HHATL: variants seen among roughly 807,000 people sequenced by gnomAD.
HHATL encodes the protein protein-cysteine N-palmitoyltransferase HHAT-like protein.
Under a neutral mutation model 59.7 loss-of-function variants are expected in HHATL, and 49 were observed. The ratio of observed to expected loss-of-function variants is 0.82; its 90% CI spans 0.65 to 1.04. The LOEUF (loss-of-function observed/expected upper bound fraction) is 1.04, where lower values mean the gene tolerates loss of function less well. HHATL is among the 50% of genes least tolerant of loss of function. The pLI is 0.00. For synonymous variants in HHATL, 238 were observed against 257.3 expected (o/e 0.93, Z 0.72); for missense variants, 605 against 650.8 (o/e 0.93, Z 0.77).
intron 7 of HHATL, 71 bp downstream of exon 7, chr3:42,697,437 A>C: frequency 6.6e-6 from 10 of 1,524,178 alleles, no homozygotes; most frequent in Non-Finnish European, 8.1e-6. Flanking sequence ...TGACTGTGGC[A>C]CCGTGGGGGT....
intron 10 of HHATL, 64 bp from the exon 11 acceptor site, chr3:42,693,282 T>G: frequency 1.9e-3 from 3,012 of 1,584,720 alleles, no homozygotes; most frequent in Non-Finnish European, 2.4e-3. Flanking sequence ...ACATGGTGGG[T>G]CAGCAGCCTT....
intron 9 of HHATL, chr3:42,694,038 A>G (rs1446006913): frequency 6.9e-6 from 4 of 579,658 alleles, no homozygotes; most frequent in Non-Finnish European, 1.2e-5. Context: ...TACTTCCCAA[A>G]TGATCTCATC....
chr3:42,699,171 G>A, intron 3 of HHATL, 26 bp from the exon 4 acceptor site: 1 of 1,570,474 alleles, frequency 6.4e-7, no homozygotes, highest in Non-Finnish European at 8.8e-7. Context: ...GCAGAAGGAG[G>A]TGGGGCAGGT....
chr3:42,698,043 G>T, intron 6 of HHATL, 99 bp downstream of exon 6: 1 of 1,227,016 alleles, frequency 8.1e-7, no homozygotes, highest in East Asian at 2.4e-5. Flanking sequence ...CCTGAGGATG[G>T]GGATACAGCC....
intron 10 of HHATL, 188 bp downstream of exon 10, chr3:42,693,429 C>T: frequency 1.3e-6 from 1 of 748,506 alleles, no homozygotes; most frequent in Non-Finnish European, 2.1e-6. Flanking sequence ...GGCCCAGGTG[C>T]TCCATTCCTC....
chr3:42,700,997 C>A (rs1352638278), intron 1 of HHATL, 158 bp from the exon 2 acceptor site: 1 of 599,570 alleles, frequency 1.7e-6, no homozygotes, highest in Non-Finnish European at 3.0e-6. Context: ...CTGTGCCCCC[C>A]ACAGTTCACA....
Position 42,698,800 on chromosome 3 carries a change from C to A in HHATL, c.391G>T (p.Val131Leu). ...CAGGGCTGGCCCAAAAGCGAGGCCA[C>A]ATAGAGGCCCACACAGTGACCAAGC... is the stretch of plus-strand genomic sequence containing the variant. ...LLLGHCVGLY[V>L]ASLLGQPWLC... Residue 131 changes from valine to leucine, a missense_variant, in exon 5 of 12, where the codon GTG becomes TTG. Val to Leu is a conservative substitution (Grantham distance 32, BLOSUM62 1). Transcript: ENST00000441594. The A allele has an allele frequency of 2.5e-6, 4 of 1,613,610 alleles. No individual in the cohort carries two copies. Among genetic ancestry groups the A allele is most frequent in the Non-Finnish European group, 3.4e-6 (4 of 1,179,832 alleles).
At chr3:42,699,967 C>A in intron 2 of HHATL, 142 bp from the exon 3 acceptor site, 2 of 657,024 alleles carry the variant, frequency 3.0e-6, no homozygotes, top group South Asian at 3.7e-5. Context: ...GCTGCATCTG[C>A]TTCTTTCTGG....
Position 42,699,802 on chromosome 3 carries a change from G to T in HHATL, c.130C>A (p.Arg44=). The T allele has an allele frequency of 6.4e-7, 1 of 1,571,664 alleles. No homozygotes were observed. The highest frequency in any genetic ancestry group is 8.6e-7 in the Non-Finnish European group (1 of 1,157,746). The change falls in exon 3 of 12, where the codon CGG becomes AGG. Residue 44 remains arginine (R), a synonymous_variant. Coordinates refer to ENST00000441594, the MANE Select transcript of HHATL (RefSeq NM_020707.4). ...TCCCAGCCAGGTCGCACAGACTCCC[G>T]GAAGGCCTTCCTGTGGGCCCCATCT... is the stretch of plus-strand genomic sequence containing the variant. ...SQDGAHRKAF[R]ESVRPGWEYI...
rs371394632 is a variant in HHATL at position 42,692,728 on chromosome 3, C to G, written c.*23G>C. On this transcript the variant is annotated 3_prime_UTR_variant, in exon 12 of 12. Coordinates refer to ENST00000441594, the MANE Select transcript of HHATL (RefSeq NM_020707.4). The stretch of plus-strand genomic sequence containing the variant: ...CTGGCCCAAGAATAGCTGAGCAGAG[C>G]CCATCCCTCTACCCGCTCCCTCCTA... 33 of 1,614,068 alleles carry G rather than the reference C, an allele frequency of 2.0e-5. No individual in the cohort carries two copies. Among genetic ancestry groups the G allele is most frequent in the Non-Finnish European group, 2.7e-5 (32 of 1,180,016 alleles).
At position 42,697,665 on chromosome 3, in the gene HHATL, C is replaced by T. The variant is rs1318806369; in HGVS notation, c.708G>A (p.Glu236=). The change falls in exon 7 of 12, where the codon GAG becomes GAA. Residue 236 remains glutamate (E), a synonymous_variant. Coordinates refer to ENST00000441594, the MANE Select transcript of HHATL (RefSeq NM_020707.4). ...DRFHAQVSQV[E]PVRREGELWH... is the part of the protein sequence containing the mutation. The stretch of plus-strand genomic sequence containing the variant: ...ACAGCTCACCCTCGCGTCTCACTGG[C>T]TCCACCTGGCTCACCTGGGGGGATG... 6 of 1,613,534 alleles carry T rather than the reference C, an allele frequency of 3.7e-6. No individual in the cohort carries two copies. Among genetic ancestry groups the T allele is most frequent in the Non-Finnish European group, 5.1e-6 (6 of 1,179,588 alleles).
At chr3:42,700,222 G>A (rs1414726221) in intron 2 of HHATL, among the ~76,000 whole-genome samples, 1 of 149,322 alleles carries the variant, frequency 6.7e-6, no homozygotes, top group Non-Finnish European at 1.5e-5. Context: ...CTGTGTGTTT[G>A]TGTGTGTGTC....
In HHATL at chr3:42,698,846, G is replaced by A; in HGVS notation, c.345C>T (p.Gly115=). The part of the protein sequence containing the change: ...YGALAVMGTM[G]PWYLLLLLGH... ...CAAGCAGCAGCAGCAGGTACCAAGG[G>A]CCCATTGTGCCCATCACAGCCAAGG... Residue 115 remains glycine, a synonymous_variant, in exon 5 of 12, where the codon GGC becomes GGT. Coordinates refer to ENST00000441594, the MANE Select transcript of HHATL (RefSeq NM_020707.4). 1 of 1,613,170 alleles carries A rather than the reference G, an allele frequency of 6.2e-7. No individual in the cohort carries two copies. The highest frequency in any genetic ancestry group is 2.2e-5 in the East Asian group (1 of 44,886).
At position 42,692,672 on chromosome 3, in the gene HHATL, A is replaced by G; in HGVS notation, c.*79T>C. On this transcript the variant is annotated 3_prime_UTR_variant, in exon 12 of 12. Transcript: ENST00000441594. ...CAGGGAACAGCCAAGCTGTTGTAGA[A>G]AAGTCTTTTATTCTATCGGTCAGGC... The G allele has an allele frequency of 6.2e-7, 1 of 1,600,488 alleles. No homozygotes were observed. The highest frequency in any genetic ancestry group is 8.5e-7 in the Non-Finnish European group (1 of 1,171,926).
rs902253254 is a variant in HHATL at position 42,701,103 on chromosome 3, C to A, written c.-13-264G>T. 1.1e-5 allele frequency: 5 copies of A among 456,518 alleles called. No homozygotes were observed. The East Asian group carries it at 1.7e-4, about 16-fold the overall frequency. The allele number at this position is 456,518 out of a possible 1,614,324, so 28.3% of individuals were successfully genotyped here. ...CGCAGAGCCCTCACTCGCAGCCTGCCTCCCTCACCTTCATTTACATCTTCA... is the reference window on the plus strand; with the variant it reads ...CGCAGAGCCCTCACTCGCAGCCTGCATCCCTCACCTTCATTTACATCTTCA... On this transcript the variant is annotated intron_variant, in intron 1 of 11. Transcript: ENST00000441594. The surrounding 1 kb of genome is among the most constrained non-coding windows in gnomAD (Gnocchi z 5.1).
At chr3:42,696,450 C>T (rs994432092) in intron 9 of HHATL, among the ~76,000 whole-genome samples, 1 of 152,210 alleles carries the variant, frequency 6.6e-6, no homozygotes, top group African/African-American at 2.4e-5. Flanking sequence ...CAACCACCTC[C>T]CTGAACCTCC....
At chr3:42,694,355 C>A (rs556610222) in intron 9 of HHATL, among the ~76,000 whole-genome samples, 3 of 152,298 alleles carry the variant, frequency 2.0e-5, no homozygotes, top group Admixed American at 6.5e-5. Flanking sequence ...CCTCCTCTAC[C>A]ACCACCACCC....
chr3:42,698,098 G>T, intron 6 of HHATL, 44 bp downstream of exon 6: 1 of 1,568,524 alleles, frequency 6.4e-7, no homozygotes, highest in South Asian at 1.1e-5. Flanking sequence ...ATCTGAAAAG[G>T]GAGATTCAGC....
At chr3:42,698,946 G>A in intron 4 of HHATL, 44 bp from the exon 5 acceptor site, 1 of 1,605,008 alleles carries the variant, frequency 6.2e-7, no homozygotes, top group Non-Finnish European at 8.5e-7. Flanking sequence ...ATAAATGGGG[G>A]CGTGACCCCA....
Sources: gnomAD v4.1 joint callset for allele counts (sites outside exome capture counted in the v4.1 genomes callset) on GRCh38, gnomAD v4.1.1 for gene constraint, Gnocchi (gnomAD v3.1) non-coding constraint, MANE v1.5 for transcripts, NCBI Gene and HGNC (gene_info 2026-07-23, HGNC 2026-07-21) for gene names.